SLC39A11: variants seen among roughly 807,000 people sequenced by gnomAD.
The protein encoded by SLC39A11 is zinc transporter ZIP11.
SLC39A11 carries 33 observed loss-of-function variants against 36.1 expected under a neutral mutation model. That is an observed-to-expected ratio of 0.91 (90% CI 0.69 to 1.22). The LOEUF is 1.22. SLC39A11 is among the 50% of genes most tolerant of loss of function. The pLI, the probability that SLC39A11 is intolerant of heterozygous loss-of-function variation, is 0.00. For synonymous variants in SLC39A11, 166 were observed against 170.3 expected (o/e 0.97, Z 0.20); for missense variants, 432 against 430.3 (o/e 1.00, Z -0.03).
chr17:72,718,095 A>T (rs1426534521), intron 7 of SLC39A11, among the ~76,000 whole-genome samples: 3 of 152,276 alleles, frequency 2.0e-5, no homozygotes, highest in African/African-American at 7.2e-5. Flanking sequence ...TCTGTCCCTC[A>T]CTGTGGATTT....
intron 4 of SLC39A11, among the ~76,000 whole-genome samples, chr17:72,987,889 G>A (rs900938672): frequency 2.6e-5 from 4 of 152,148 alleles, no homozygotes; most frequent in Admixed American, 6.5e-5. Context: ...GTCCTGAATC[G>A]TAAAAGAGCA....
chr17:72,949,927 C>T (rs545351782), intron 4 of SLC39A11, among the ~76,000 whole-genome samples: 2 of 150,462 alleles, frequency 1.3e-5, no homozygotes, highest in South Asian at 2.1e-4. Flanking sequence ...AGGAATCTCA[C>T]AAAAGGGATA....
At chr17:72,739,837 C>T (rs895972182) in intron 6 of SLC39A11, among the ~76,000 whole-genome samples, 11 of 152,050 alleles carry the variant, frequency 7.2e-5, no homozygotes, top group African/African-American at 2.2e-4. Flanking sequence ...GGATTAGGGG[C>T]GCCAATCCCT....
rs191523647 is a variant in SLC39A11 at position 73,009,563 on chromosome 17, G to C, written c.306+21993C>G. Among the ~76,000 whole-genome samples, 630 of 152,216 alleles carry C rather than the reference G, an allele frequency of 4.1e-3. 9 individuals carry two copies. The South Asian group carries it at 0.045, about 11-fold the overall frequency. ...AGGCGGTGGAGAGTAAGCGAAGAAT[G>C]GGGAGATGGAGAGTGATGGCTTAAT... On this transcript the variant is annotated intron_variant, in intron 4 of 9. Transcript: ENST00000255559.
intron 5 of SLC39A11, among the ~76,000 whole-genome samples, chr17:72,925,778 T>C (rs8076418): frequency 0.13 from 19,369 of 152,214 alleles, 2,422 homozygotes; most frequent in African/African-American, 0.33. Flanking sequence ...AATTCTCTAA[T>C]TCTTCCCCTC....
chr17:73,014,583 G>C (rs2090706956), intron 4 of SLC39A11, among the ~76,000 whole-genome samples: 1 of 149,228 alleles, frequency 6.7e-6, no homozygotes, highest in Non-Finnish European at 1.5e-5. Context: ...CGTGAGCCTG[G>C]AAGTTCAAGG....
chr17:72,804,823 C>G (rs2077199581), intron 6 of SLC39A11, among the ~76,000 whole-genome samples: 2 of 152,282 alleles, frequency 1.3e-5, no homozygotes, highest in Middle Eastern at 3.4e-3. Context: ...GGATCAAGAC[C>G]ATCCTGGCCA....
chr17:73,081,240 T>TGATGATGAG (rs907181166), intron 3 of SLC39A11, among the ~76,000 whole-genome samples: 1 of 152,100 alleles, frequency 6.6e-6, no homozygotes, highest in Non-Finnish European at 1.5e-5. Context: ...TCACTAATGA[T>TGATGATGAG]CAGGGAAATG....
chr17:72,840,484 A>C (rs2078753962), intron 6 of SLC39A11, among the ~76,000 whole-genome samples: 1 of 152,148 alleles, frequency 6.6e-6, no homozygotes, highest in Admixed American at 6.5e-5. Context: ...GGCGGCTGGG[A>C]GTGGTGGCTC....
chr17:72,975,501 C>T (rs1342831351), intron 4 of SLC39A11, among the ~76,000 whole-genome samples: 3 of 152,222 alleles, frequency 2.0e-5, no homozygotes, highest in Non-Finnish European at 4.4e-5. Context: ...GCTGCCTCAC[C>T]CCTTCCGCCA....
intron 6 of SLC39A11, among the ~76,000 whole-genome samples, chr17:72,847,322 G>A (rs1476969160): frequency 5.3e-5 from 8 of 151,824 alleles, no homozygotes; most frequent in African/African-American, 9.7e-5. Flanking sequence ...AGAATTGCTT[G>A]AACCGGGAAG....
chr17:72,796,868 C>A (rs1023961988), intron 6 of SLC39A11, among the ~76,000 whole-genome samples: 1 of 152,092 alleles, frequency 6.6e-6, no homozygotes, highest in African/African-American at 2.4e-5. Flanking sequence ...CAACCCAGCC[C>A]TGATTTTCAA....
At chr17:72,908,531 G>A (rs1349526854) in intron 5 of SLC39A11, among the ~76,000 whole-genome samples, 1 of 152,214 alleles carries the variant, frequency 6.6e-6, no homozygotes, top group Non-Finnish European at 1.5e-5. Context: ...ACTGTCCAGA[G>A]AGCCCCGGCT....
At chr17:72,767,417 G>A (rs1245647429) in intron 6 of SLC39A11, among the ~76,000 whole-genome samples, 1 of 152,214 alleles carries the variant, frequency 6.6e-6, no homozygotes, top group Non-Finnish European at 1.5e-5. Flanking sequence ...CAGGGTGAGG[G>A]CTGGGGCAGA....
At position 73,088,722 on chromosome 17, in the gene SLC39A11, T is replaced by TCC. The variant is rs771667383; in HGVS notation, c.41_42dup (p.Thr15GlyfsTer8). 2.5e-6 allele frequency: 4 copies of TCC among 1,611,836 alleles called. No homozygotes were observed. Among genetic ancestry groups the TCC allele is most frequent in the Non-Finnish European group, 3.4e-6 (4 of 1,179,132 alleles). ...GCTGTCATCCCCCAGGTGAAGAAGG[T>TCC]CCCCAGCAAGGCCTGGAACACAGAG... On this transcript the variant is annotated frameshift_variant, in exon 2 of 10. Transcript: ENST00000255559. LOFTEE classifies it high-confidence loss of function.
intron 7 of SLC39A11, among the ~76,000 whole-genome samples, chr17:72,719,618 C>T (rs1041061126): frequency 1.7e-4 from 26 of 152,136 alleles, no homozygotes; most frequent in African/African-American, 6.0e-4. Context: ...GCAGTGGGAA[C>T]GGAGAAGAGA....
intron 3 of SLC39A11, among the ~76,000 whole-genome samples, chr17:73,050,245 T>G (rs904493829): frequency 1.4e-5 from 2 of 145,240 alleles, no homozygotes; most frequent in Non-Finnish European, 3.0e-5. Context: ...CCCTGAATGG[T>G]GAGAAGGAGC....
At chr17:72,991,094 C>T (rs1225265854) in intron 4 of SLC39A11, among the ~76,000 whole-genome samples, 3 of 152,142 alleles carry the variant, frequency 2.0e-5, no homozygotes, top group Non-Finnish European at 4.4e-5. Context: ...TAACCTGTTA[C>T]CATATTTGAT....
At chr17:72,866,997 G>A (rs1292962306) in intron 5 of SLC39A11, among the ~76,000 whole-genome samples, 1 of 152,162 alleles carries the variant, frequency 6.6e-6, no homozygotes, top group East Asian at 1.9e-4. Context: ...TTGGAAAATG[G>A]AAGCAACCAT....
Sources: gnomAD v4.1 joint callset for allele counts (sites outside exome capture counted in the v4.1 genomes callset) on GRCh38, gnomAD v4.1.1 for gene constraint, MANE v1.5 for transcripts, NCBI Gene and HGNC (gene_info 2026-07-23, HGNC 2026-07-21) for gene names.